The following KCNQ1 variants were observed in gnomAD, a reference collection of about 807,000 sequenced individuals.
The protein encoded by KCNQ1 is potassium voltage-gated channel subfamily Q member 1.
A neutral mutation model predicts 72.4 loss-of-function variants in KCNQ1; 49 were observed. That is an observed-to-expected ratio of 0.68 (90% CI 0.54 to 0.86). The LOEUF is 0.86. Ranked by LOEUF, KCNQ1 falls within the 40% of genes least tolerant of loss-of-function variation. The probability of loss-of-function intolerance (pLI) is 0.00; values close to 1 mark genes in which losing one functional copy is unlikely to be tolerated. For missense variants in KCNQ1, 790 were observed against 945.1 expected (o/e 0.84, Z 2.15); for synonymous variants, 450 against 412.6 (o/e 1.09, Z -1.10).
intron 15 of KCNQ1, among the ~76,000 whole-genome samples, chr11:2,810,951 C>T (rs947496063): frequency 3.9e-5 from 6 of 152,238 alleles, no homozygotes; most frequent in African/African-American, 1.2e-4. Flanking sequence ...CCCTTCCCAT[C>T]GTCTTGGTGC....
intron 10 of KCNQ1, chr11:2,637,355 G>A (rs553750030): frequency 1.3e-5 from 2 of 152,306 alleles, no homozygotes; most frequent in African/African-American, 2.4e-5. Flanking sequence ...TGCTTTAAAT[G>A]TGTCCCAGAG....
At position 2,772,290 on chromosome 11, in the gene KCNQ1, T is replaced by A. The variant is rs1358364289; in HGVS notation, c.1590+3371T>A. 6.6e-6 allele frequency among the ~76,000 whole-genome samples: 1 copy of A among 152,058 alleles called. No homozygotes were observed. Among genetic ancestry groups the A allele is most frequent in the African/African-American group, 2.4e-5 (1 of 41,402 alleles). On this transcript the variant is annotated intron_variant, in intron 12 of 15. Coordinates refer to ENST00000155840, the MANE Select transcript of KCNQ1 (RefSeq NM_000218.3). This position sits in a 1 kb window ranked among gnomAD's most constrained non-coding sequence, Gnocchi z 6.6. ...TGACATGGCAGGTGACCCCTCTGCCTACCTTGCTGGCTGATAAGTCCTTGG... is the reference window on the plus strand; with the variant it reads ...TGACATGGCAGGTGACCCCTCTGCCAACCTTGCTGGCTGATAAGTCCTTGG...
Position 2,733,122 on chromosome 11 carries a change from C to T in KCNQ1, c.1515-35722C>T, listed in dbSNP as rs572916033. 5.9e-5 allele frequency among the ~76,000 whole-genome samples: 9 copies of T among 152,190 alleles called. No individual in the cohort carries two copies. The East Asian group carries it at 1.2e-3, about 20-fold the overall frequency. ...ATAGGAGGCATCACCCAGCCTTGCA[C>T]GTCTCCAGTGTCCCTCAGAACGGCT... On this transcript the variant is annotated intron_variant, in intron 11 of 15. Transcript: ENST00000155840.
Position 2,645,966 on chromosome 11 carries a change from T to C in KCNQ1, c.1394-15995T>C, listed in dbSNP as rs1849659501. ...AAGGCATCTATGGGTCAGGGGGTTC[T>C]CTGACTAGGATTTCAGGAGTCTGCT... On this transcript the variant is annotated intron_variant, in intron 10 of 15. Transcript: ENST00000155840. This position sits in a 1 kb window ranked among gnomAD's most constrained non-coding sequence, Gnocchi z 5.8. The C allele has an allele frequency of 5.0e-6, 2 of 398,534 alleles. No individual in the cohort carries two copies. Among genetic ancestry groups the C allele is most frequent in the Non-Finnish European group, 8.8e-6 (2 of 226,102 alleles). 24.7% of individuals were successfully genotyped at this position (398,534 alleles called of 1,614,324 possible).
In KCNQ1 at chr11:2,486,651, C is replaced by G. The variant is rs1267988196; in HGVS notation, c.386+41167C>G. ...ATGGTTCTGCAGGCTGTACAAGAAA[C>G]ATGGTGCCAGCACCTGCTTCTGGCG... is the stretch of plus-strand genomic sequence containing the variant. On this transcript the variant is annotated intron_variant, in intron 1 of 15. Transcript: ENST00000155840. The surrounding 1 kb of genome is among the most constrained non-coding windows in gnomAD (Gnocchi z 5.0). 6.6e-6 allele frequency among the ~76,000 whole-genome samples: 1 copy of G among 152,226 alleles called. No individual in the cohort carries two copies. Among genetic ancestry groups the G allele is most frequent in the African/African-American group, 2.4e-5 (1 of 41,468 alleles).
At position 2,652,348 on chromosome 11, in the gene KCNQ1, ATGT is replaced by A. The variant is rs976620024; in HGVS notation, c.1394-9609_1394-9607del. 2.0e-5 allele frequency: 8 copies of A among 398,500 alleles called. No homozygotes were observed. The highest frequency in any genetic ancestry group is 8.2e-5 in the African/African-American group (4 of 48,630). The allele number at this position is 398,500 out of a possible 1,614,324, so 24.7% of individuals were successfully genotyped here. A position where few individuals can be genotyped will look rare whatever the true frequency, so the allele number is the denominator to read the frequency against. On this transcript the variant is annotated intron_variant, in intron 10 of 15. Coordinates refer to ENST00000155840, the MANE Select transcript of KCNQ1 (RefSeq NM_000218.3). This position sits in a 1 kb window ranked among gnomAD's most constrained non-coding sequence, Gnocchi z 5.9. ...AGTTAAGAACTGGCACATTTCCGCGATGTTGTGATGAAGGTGAAAAGATCGCTC... is the reference window on the plus strand; with the variant it reads ...AGTTAAGAACTGGCACATTTCCGCGATGTGATGAAGGTGAAAAGATCGCTC...
At position 2,537,250 on chromosome 11, in the gene KCNQ1, C is replaced by G. The variant is rs964437031; in HGVS notation, c.477+9232C>G. 6.6e-6 allele frequency among the ~76,000 whole-genome samples: 1 copy of G among 152,012 alleles called. No homozygotes were observed. Among genetic ancestry groups the G allele is most frequent in the African/African-American group, 2.4e-5 (1 of 41,270 alleles). ...ATACTTGAGGGCCTAATGCCTCTGGCTGCTTTGTGCCATGGCAGATTTGAG... is the reference window on the plus strand; with the variant it reads ...ATACTTGAGGGCCTAATGCCTCTGGGTGCTTTGTGCCATGGCAGATTTGAG... On this transcript the variant is annotated intron_variant, in intron 2 of 15. Transcript: ENST00000155840. This position sits in a 1 kb window ranked among gnomAD's most constrained non-coding sequence, Gnocchi z 5.2.
chr11:2,464,217 G>T lies in KCNQ1; in HGVS notation c.386+18733G>T, dbSNP rs1281559892. On this transcript the variant is annotated intron_variant, in intron 1 of 15. Transcript: ENST00000155840. This position sits in a 1 kb window ranked among gnomAD's most constrained non-coding sequence, Gnocchi z 5.0. The stretch of plus-strand genomic sequence containing the variant: ...TGGGCCGGAACACATGGACGTCCAG[G>T]TGTGGAATGGCCCGGACAGCAGATA... 6.6e-6 allele frequency among the ~76,000 whole-genome samples: 1 copy of T among 152,232 alleles called. No homozygotes were observed. The highest frequency in any genetic ancestry group is 1.9e-4 in the East Asian group (1 of 5,204).
intron 15 of KCNQ1, among the ~76,000 whole-genome samples, chr11:2,800,085 G>A (rs1227176685): frequency 2.0e-5 from 3 of 152,230 alleles, no homozygotes; most frequent in African/African-American, 2.4e-5. Flanking sequence ...GGACCTGGGG[G>A]CTGTGAGCAG....
At chr11:2,685,889 G>T in intron 11 of KCNQ1, 1 of 398,716 alleles carries the variant, frequency 2.5e-6, no homozygotes, top group South Asian at 1.3e-4. Flanking sequence ...GACTAGGGAA[G>T]AACTTGTTCT....
chr11:2,848,556 A>C lies in KCNQ1; in HGVS notation c.*553A>C. 2.2e-6 allele frequency: 1 copy of C among 454,290 alleles called. No homozygotes were observed. The highest frequency in any genetic ancestry group is 4.4e-6 in the Non-Finnish European group (1 of 226,862). 28.1% of individuals were successfully genotyped at this position (454,290 alleles called of 1,614,324 possible). ...CCTCACTCTCAGGAAATGCTGACCC[A>C]TGGGCAGGAGACTGTGGAGACTGCT... On this transcript the variant is annotated 3_prime_UTR_variant, in exon 16 of 16. Coordinates refer to ENST00000155840, the MANE Select transcript of KCNQ1 (RefSeq NM_000218.3).
In KCNQ1 at chr11:2,652,729, C is replaced by T. The variant is rs1309057501; in HGVS notation, c.1394-9232C>T. The stretch of plus-strand genomic sequence containing the variant: ...TCCGTTTCCTGGGCTCACTCACGCT[C>T]AGGGTTGACCCTGTCCTGGCTCTGT... On this transcript the variant is annotated intron_variant, in intron 10 of 15. Coordinates refer to ENST00000155840, the MANE Select transcript of KCNQ1 (RefSeq NM_000218.3). This position sits in a 1 kb window ranked among gnomAD's most constrained non-coding sequence, Gnocchi z 5.9. 5.0e-6 allele frequency: 2 copies of T among 398,750 alleles called. No individual in the cohort carries two copies. The highest frequency in any genetic ancestry group is 8.8e-6 in the Non-Finnish European group (2 of 226,286). The allele number at this position is 398,750 out of a possible 1,614,324, so 24.7% of individuals were successfully genotyped here.
At chr11:2,644,566 G>A (rs915312718) in intron 10 of KCNQ1, 2 of 398,268 alleles carry the variant, frequency 5.0e-6, no homozygotes, top group African/African-American at 2.1e-5. Context: ...CTTTTTCACT[G>A]GAATCTGTTG....
At chr11:2,618,818 A>T in intron 10 of KCNQ1, 1 of 398,340 alleles carries the variant, frequency 2.5e-6, no homozygotes, top group Non-Finnish European at 4.4e-6. Context: ...TGAGCATGGG[A>T]TATCTTTCCA....
chr11:2,735,083 T>C lies in KCNQ1; in HGVS notation c.1515-33761T>C, dbSNP rs1362260078. Among the ~76,000 whole-genome samples the C allele has an allele frequency of 1.3e-5, 2 of 152,104 alleles. No individual in the cohort carries two copies. The highest frequency in any genetic ancestry group is 4.8e-5 in the African/African-American group (2 of 41,430). ...CCCTGCCTTGTCATCACCTGTGCCG[T>C]GGCTGTCAGCGCGCATCTGGCTTAC... On this transcript the variant is annotated intron_variant, in intron 11 of 15. Transcript: ENST00000155840. The surrounding 1 kb of genome is among the most constrained non-coding windows in gnomAD (Gnocchi z 7.7).
At chr11:2,632,886 G>A (rs1849384442) in intron 10 of KCNQ1, 1 of 398,448 alleles carries the variant, frequency 2.5e-6, no homozygotes, top group Non-Finnish European at 4.4e-6. Flanking sequence ...ACATGAGAAT[G>A]CAAATATCTT....
In KCNQ1 at chr11:2,695,732, G is replaced by A; in HGVS notation, c.1514+33651G>A. Reference sequence around the variant, plus strand: ...TCCGTCCCCACCTGCAGCACACAGGGAGGCTTGTTCCTTGCCTTCTGCCAA... The same window carrying A: ...TCCGTCCCCACCTGCAGCACACAGGAAGGCTTGTTCCTTGCCTTCTGCCAA... On this transcript the variant is annotated intron_variant, in intron 11 of 15. Coordinates refer to ENST00000155840, the MANE Select transcript of KCNQ1 (RefSeq NM_000218.3). This position sits in a 1 kb window ranked among gnomAD's most constrained non-coding sequence, Gnocchi z 5.2. The A allele has an allele frequency of 2.5e-6, 1 of 398,666 alleles. No individual in the cohort carries two copies. The highest frequency in any genetic ancestry group is 4.4e-6 in the Non-Finnish European group (1 of 226,086). 24.7% of individuals were successfully genotyped at this position (398,666 alleles called of 1,614,324 possible).
chr11:2,478,940 G>A lies in KCNQ1; in HGVS notation c.386+33456G>A, dbSNP rs1846613500. Among the ~76,000 whole-genome samples the A allele has an allele frequency of 6.6e-6, 1 of 152,228 alleles. No individual in the cohort carries two copies. Among genetic ancestry groups the A allele is most frequent in the African/African-American group, 2.4e-5 (1 of 41,470 alleles). ...ATAAATACACCCATTTGAAATGGGA[G>A]TAATTGGCCAAAACGAAGGGGCTAA... On this transcript the variant is annotated intron_variant, in intron 1 of 15. Transcript: ENST00000155840. The surrounding 1 kb of genome is among the most constrained non-coding windows in gnomAD (Gnocchi z 4.0).
intron 11 of KCNQ1, chr11:2,699,796 G>C (rs1040696052): frequency 3.0e-5 from 12 of 397,212 alleles, no homozygotes; most frequent in Non-Finnish European, 4.4e-5. Context: ...GCGCCGAGGG[G>C]CGCGCCGGGG....
Sources: gnomAD v4.1 joint callset for allele counts (sites outside exome capture counted in the v4.1 genomes callset) on GRCh38, gnomAD v4.1.1 for gene constraint, Gnocchi (gnomAD v3.1) non-coding constraint, MANE v1.5 for transcripts, NCBI Gene and HGNC (gene_info 2026-07-23, HGNC 2026-07-21) for gene names.